Variants in IMPG1 observed in about 807,000 individuals in gnomAD.
The protein encoded by IMPG1 is interphotoreceptor matrix proteoglycan of 150 kDa.
A neutral mutation model predicts 92.0 loss-of-function variants in IMPG1; 85 were observed. The observed-to-expected ratio is 0.92, with a 90% confidence interval of 0.78 to 1.11. The LOEUF is 1.11. Among genes scored for constraint, IMPG1 ranks in the 50% least tolerant of loss-of-function variants. The pLI is 0.00. For missense variants in IMPG1, 1,022 were observed against 956.0 expected, an observed-to-expected ratio of 1.07 and a Z score of -0.91; for synonymous variants, 367 against 334.1, an observed-to-expected ratio of 1.10 and a Z score of -1.08.
chr6:76,021,862 C>G (rs1783432398), intron 6 of IMPG1, among the ~76,000 whole-genome samples: 1 of 143,120 alleles, frequency 7.0e-6, no homozygotes, highest in Admixed American at 7.2e-5. Flanking sequence ...AGCCCCAGCA[C>G]TCCACAGCTT....
chr6:76,030,719 G>T (rs913407794), intron 4 of IMPG1, among the ~76,000 whole-genome samples: 18 of 152,198 alleles, frequency 1.2e-4, no homozygotes, highest in African/African-American at 4.1e-4. Context: ...ATAGGCCTCT[G>T]AGGAAGCTCT....
chr6:75,951,637 A>C (rs1782033504), intron 12 of IMPG1, among the ~76,000 whole-genome samples: 1 of 152,180 alleles, frequency 6.6e-6, no homozygotes, highest in Admixed American at 6.5e-5. Flanking sequence ...TACCACTTGA[A>C]ATTTAAATTA....
chr6:75,946,043 A>G (rs1257633432), intron 14 of IMPG1, among the ~76,000 whole-genome samples: 2 of 152,216 alleles, frequency 1.3e-5, no homozygotes, highest in Non-Finnish European at 2.9e-5. Context: ...CAATTGGCTG[A>G]AGAAATTAGC....
intron 1 of IMPG1, among the ~76,000 whole-genome samples, chr6:76,043,433 G>A (rs372697725): frequency 6.6e-5 from 10 of 152,216 alleles, no homozygotes; most frequent in South Asian, 2.1e-4. Flanking sequence ...GAGAAAGTCC[G>A]CCTGGGAACA....
intron 1 of IMPG1, among the ~76,000 whole-genome samples, chr6:76,071,601 C>A (rs972414100): frequency 6.6e-5 from 10 of 151,866 alleles, no homozygotes; most frequent in African/African-American, 1.9e-4. Flanking sequence ...ATTAATTTTA[C>A]TTTTTCATGG....
intron 12 of IMPG1, among the ~76,000 whole-genome samples, chr6:75,974,543 C>T (rs1417463396): frequency 6.7e-6 from 1 of 148,182 alleles, no homozygotes; most frequent in African/African-American, 2.5e-5. Flanking sequence ...GATCTTGGCT[C>T]ACTGCAACCT....
chr6:76,061,832 A>T (rs1351155525), intron 1 of IMPG1, among the ~76,000 whole-genome samples: 1 of 152,174 alleles, frequency 6.6e-6, no homozygotes, highest in Non-Finnish European at 1.5e-5. Flanking sequence ...TCCATTATGA[A>T]CCTCAAAGAA....
chr6:76,010,551 AT>A (rs1441314517), intron 8 of IMPG1, among the ~76,000 whole-genome samples: 1 of 152,042 alleles, frequency 6.6e-6, no homozygotes, highest in East Asian at 1.9e-4. Context: ...TTATGATCTT[AT>A]TTTTTTATTT....
At chr6:75,931,676 T>C (rs1249706917) in intron 14 of IMPG1, among the ~76,000 whole-genome samples, 3 of 152,244 alleles carry the variant, frequency 2.0e-5, no homozygotes, top group Non-Finnish European at 4.4e-5. Context: ...TAAATATAAA[T>C]TTCTCTTGGT....
intron 4 of IMPG1, among the ~76,000 whole-genome samples, chr6:76,026,126 T>G (rs1295008382): frequency 6.6e-6 from 1 of 152,148 alleles, no homozygotes; most frequent in South Asian, 2.1e-4. Context: ...CGGGAAGCAC[T>G]CTAGCAGGGA....
chr6:76,038,459 A>G (rs1458438242), intron 2 of IMPG1, among the ~76,000 whole-genome samples: 1 of 151,952 alleles, frequency 6.6e-6, no homozygotes, highest in Non-Finnish European at 1.5e-5. Context: ...GAAGCTTCTC[A>G]CAAGCCAGGA....
chr6:76,001,394 T>C lies in IMPG1; in HGVS notation c.1291+1524A>G, dbSNP rs1455988514. On this transcript the variant is annotated intron_variant, in intron 12 of 16. Transcript: ENST00000369950. Reference sequence around the variant, plus strand: ...GATATGGATTGTGGTTAATTATAAATGGCATAAATTCTTCCATACTTCTCC... The same window carrying C: ...GATATGGATTGTGGTTAATTATAAACGGCATAAATTCTTCCATACTTCTCC... Among the ~76,000 whole-genome samples, 3 of 152,350 alleles carry C rather than the reference T, an allele frequency of 2.0e-5. No homozygotes were observed. The South Asian group carries it at 6.2e-4, about 32-fold the overall frequency.
At chr6:76,048,071 C>T (rs1783975864) in intron 1 of IMPG1, among the ~76,000 whole-genome samples, 2 of 152,134 alleles carry the variant, frequency 1.3e-5, no homozygotes, top group South Asian at 4.1e-4. Context: ...ATGAGGAAGA[C>T]TATCATTATT....
intron 7 of IMPG1, among the ~76,000 whole-genome samples, chr6:76,012,537 A>C (rs1783204246): frequency 6.6e-6 from 1 of 152,218 alleles, no homozygotes; most frequent in Non-Finnish European, 1.5e-5. Context: ...CACATGGACA[A>C]GTACTGCCCC....
intron 12 of IMPG1, among the ~76,000 whole-genome samples, chr6:75,974,330 CCTTTCTTT>C (rs558072098): frequency 0.075 from 7,340 of 98,094 alleles, 363 homozygotes; most frequent in African/African-American, 0.082. Flanking sequence ...TCTTTCTTTC[CCTTTCTTT>C]CTTTCTTTCT....
At chr6:76,016,501 C>T (rs992665400) in intron 7 of IMPG1, among the ~76,000 whole-genome samples, 1 of 152,180 alleles carries the variant, frequency 6.6e-6, no homozygotes, top group East Asian at 1.9e-4. Flanking sequence ...TTCATAAATG[C>T]CCCATGCTGA....
At chr6:75,959,806 G>T (rs1046067327) in intron 12 of IMPG1, among the ~76,000 whole-genome samples, 1 of 152,198 alleles carries the variant, frequency 6.6e-6, no homozygotes, top group Non-Finnish European at 1.5e-5. Context: ...GGGCTCCATG[G>T]GGGGTGGGAT....
chr6:76,059,403 T>TA (rs1253268140), intron 1 of IMPG1, among the ~76,000 whole-genome samples: 1 of 29,824 alleles, frequency 3.4e-5, no homozygotes, highest in Non-Finnish European at 1.0e-4. Context: ...ACGTTACACC[T>TA]TTTTTTTTTA....
chr6:75,981,160 AG>A (rs1782621360), intron 12 of IMPG1, among the ~76,000 whole-genome samples: 3 of 152,216 alleles, frequency 2.0e-5, no homozygotes, highest in African/African-American at 7.2e-5. Flanking sequence ...AATGATCCAC[AG>A]GTGTCTTTTC....
Sources: gnomAD v4.1 joint callset for allele counts (sites outside exome capture counted in the v4.1 genomes callset) on GRCh38, gnomAD v4.1.1 for gene constraint, MANE v1.5 for transcripts, NCBI Gene and HGNC (gene_info 2026-07-23, HGNC 2026-07-21) for gene names.